The following RIMKLB variants were observed in gnomAD, a reference collection of about 807,000 sequenced individuals.
RIMKLB encodes the protein ribosomal modification protein rimK like family member B, also known as beta-citrylglutamate synthase B.
Under a neutral mutation model 32.0 loss-of-function variants are expected in RIMKLB, and 7 were observed. The ratio of observed to expected loss-of-function variants is 0.22; its 90% CI spans 0.12 to 0.41. RIMKLB has a LOEUF of 0.41. Ranked by LOEUF, RIMKLB falls within the 10% of genes least tolerant of loss-of-function variation. The pLI is 1.00. For synonymous variants in RIMKLB, 172 were observed against 185.1 expected, an observed-to-expected ratio of 0.93 and a Z score of 0.57; for missense variants, 289 against 498.7, an observed-to-expected ratio of 0.58 and a Z score of 4.00.
At chr12:8,693,406 T>C (rs958799157), upstream of RIMKLB, among the ~76,000 whole-genome samples, 17 of 151,628 alleles carry the variant, frequency 1.1e-4, no homozygotes, top group Non-Finnish European at 1.9e-4. Context: ...TCTTTCTTTT[T>C]TTTTTTTTGA....
intron 7 of RIMKLB, among the ~76,000 whole-genome samples, chr12:8,782,447 A>C (rs771981712): frequency 6.6e-6 from 1 of 152,312 alleles, no homozygotes; most frequent in East Asian, 1.9e-4. Context: ...GTCTAAAATA[A>C]GTCACAAAAC....
intron 2 of RIMKLB, among the ~76,000 whole-genome samples, chr12:8,748,505 A>C (rs1018097108): frequency 6.8e-6 from 1 of 146,166 alleles, no homozygotes; most frequent in African/African-American, 2.5e-5. Context: ...CCCCACAGAC[A>C]AGGTGGGATT....
chr12:8,694,412 T>TTTG, upstream of RIMKLB, among the ~76,000 whole-genome samples: 1 of 149,310 alleles, frequency 6.7e-6, no homozygotes, highest in Non-Finnish European at 1.5e-5. Context: ...TTTTTTTTTT[T>TTTG]TGAGATGGAG....
chr12:8,739,662 C>T (rs956100554), intron 2 of RIMKLB, among the ~76,000 whole-genome samples: 2 of 152,078 alleles, frequency 1.3e-5, no homozygotes, highest in East Asian at 3.9e-4. Flanking sequence ...TTTGTAGAGA[C>T]GAGGTCACAC....
intron 4 of RIMKLB, among the ~76,000 whole-genome samples, chr12:8,752,886 A>G (rs1380654347): frequency 6.6e-6 from 1 of 152,008 alleles, no homozygotes; most frequent in Non-Finnish European, 1.5e-5. Flanking sequence ...AATTACAGGC[A>G]TCTGCCACCA....
At chr12:8,756,998 G>GA (rs1949092332) in intron 5 of RIMKLB, among the ~76,000 whole-genome samples, 1 of 151,906 alleles carries the variant, frequency 6.6e-6, no homozygotes, top group African/African-American at 2.4e-5. Flanking sequence ...TCCTATTCTT[G>GA]AAAAATGACT....
At chr12:8,764,227 G>A (rs113583678) in intron 5 of RIMKLB, among the ~76,000 whole-genome samples, 3,640 of 152,190 alleles carry the variant, frequency 0.024, 135 homozygotes, top group African/African-American at 0.082. Flanking sequence ...GAAAGGAGGC[G>A]GAATCCTTTA....
intron 5 of RIMKLB, among the ~76,000 whole-genome samples, chr12:8,755,715 A>G (rs1212586965): frequency 6.6e-6 from 1 of 152,088 alleles, no homozygotes; most frequent in East Asian, 1.9e-4. Flanking sequence ...TTTGCTCAAA[A>G]TCCTCCGATA....
chr12:8,689,500 T>C (rs1235204480), intron 1 of RIMKLB, among the ~76,000 whole-genome samples: 1 of 152,264 alleles, frequency 6.6e-6, no homozygotes, highest in East Asian at 1.9e-4. Flanking sequence ...TTTCTAACAC[T>C]ACTTTGCTCT....
At position 8,761,651 on chromosome 12, in the gene RIMKLB, G is replaced by A. The variant is rs754673988; in HGVS notation, c.697+7558G>A. On this transcript the variant is annotated intron_variant, in intron 5 of 5. Transcript: ENST00000535829. ...TGGTCGGGTGTGAGCTGAGTTACAA[G>A]CCCTGTGTTTAAAGGTGAGTGCAGT... Among the ~76,000 whole-genome samples the A allele has an allele frequency of 1.6e-4, 24 of 152,258 alleles. No individual in the cohort carries two copies. The East Asian group carries it at 4.2e-3, about 27-fold the overall frequency.
At chr12:8,743,959 G>A (rs1161222336) in intron 2 of RIMKLB, among the ~76,000 whole-genome samples, 1 of 151,980 alleles carries the variant, frequency 6.6e-6, no homozygotes, top group Admixed American at 6.5e-5. Context: ...TGTGTTAGAG[G>A]AAATGGGGTT....
chr12:8,767,480 T>C (rs1950063561), intron 5 of RIMKLB, among the ~76,000 whole-genome samples: 1 of 152,116 alleles, frequency 6.6e-6, no homozygotes, highest in African/African-American at 2.4e-5. Flanking sequence ...CATTAGTACC[T>C]AGGAGGCAGG....
chr12:8,747,195 G>A (rs1331904684), intron 2 of RIMKLB, among the ~76,000 whole-genome samples: 3 of 152,162 alleles, frequency 2.0e-5, no homozygotes, highest in African/African-American at 7.2e-5. Context: ...CAGACTCTCA[G>A]TTCTCCTAAT....
chr12:8,759,230 ACT>A (rs1949320741), intron 5 of RIMKLB, among the ~76,000 whole-genome samples: 1 of 152,106 alleles, frequency 6.6e-6, no homozygotes, highest in African/African-American at 2.4e-5. Flanking sequence ...CCCCATCTCT[ACT>A]AAAAATACAA....
intron 1 of RIMKLB, among the ~76,000 whole-genome samples, chr12:8,686,845 A>G (rs1942592273): frequency 6.6e-6 from 1 of 152,178 alleles, no homozygotes; most frequent in African/African-American, 2.4e-5. Context: ...GCAGTGTTCA[A>G]TCCTATGCAG....
chr12:8,719,568 C>T (rs894897718), intron 2 of RIMKLB, among the ~76,000 whole-genome samples: 1 of 152,062 alleles, frequency 6.6e-6, no homozygotes, highest in Non-Finnish European at 1.5e-5. Context: ...GGGGTTTCAC[C>T]ATGTTGGCCA....
chr12:8,737,250 C>T (rs113855950), intron 2 of RIMKLB, among the ~76,000 whole-genome samples: 4,169 of 135,974 alleles, frequency 0.031, 200 homozygotes, highest in African/African-American at 0.1. Context: ...TTAATCATGA[C>T]TTTTTTTTTT....
chr12:8,768,712 C>G (rs1164796287), intron 5 of RIMKLB, among the ~76,000 whole-genome samples: 1 of 152,112 alleles, frequency 6.6e-6, no homozygotes, highest in Admixed American at 6.5e-5. Context: ...CTTTCTGAAA[C>G]CCTTCTGTAA....
intron 1 of RIMKLB, among the ~76,000 whole-genome samples, chr12:8,686,121 T>C (rs1030090737): frequency 6.6e-6 from 1 of 152,072 alleles, no homozygotes; most frequent in Non-Finnish European, 1.5e-5. Flanking sequence ...TTTGTGTTTT[T>C]AGTAGAGACA....
Sources: allele counts gnomAD v4.1 joint callset (sites outside exome capture counted in the v4.1 genomes callset), GRCh38; gene constraint gnomAD v4.1.1; transcripts MANE v1.5; gene names NCBI Gene and HGNC (gene_info 2026-07-23, HGNC 2026-07-21).